GALNT13: variants seen among roughly 807,000 people sequenced by gnomAD.
GALNT13 encodes the protein UDP-GalNAc:polypeptide N-acetylgalactosaminyltransferase 13.
Under a neutral mutation model 64.2 loss-of-function variants are expected in GALNT13, and 28 were observed. The ratio of observed to expected loss-of-function variants is 0.44; its 90% CI spans 0.32 to 0.60. The LOEUF is 0.60. GALNT13 is among the 20% of genes least tolerant of loss of function. The pLI is 0.05. For missense variants in GALNT13, 577 were observed against 669.8 expected, an observed-to-expected ratio of 0.86 and a Z score of 1.53; for synonymous variants, 214 against 224.6, an observed-to-expected ratio of 0.95 and a Z score of 0.42.
intron 4 of GALNT13, among the ~76,000 whole-genome samples, chr2:154,221,346 CACT>C (rs1487838763): frequency 6.6e-6 from 1 of 151,930 alleles, no homozygotes. Context: ...TGATCCTCAC[CACT>C]GTGTTCAAAG....
At chr2:153,180,276 G>A in the GALNT13 span, among the ~76,000 whole-genome samples, 1 of 152,162 alleles carries the variant, frequency 6.6e-6, no homozygotes, top group African/African-American at 2.4e-5. Context: ...TCCATCTAAT[G>A]AGACGATCAT....
the GALNT13 span, among the ~76,000 whole-genome samples, chr2:153,527,593 A>C: frequency 1.3e-5 from 2 of 152,160 alleles, no homozygotes; most frequent in Non-Finnish European, 2.9e-5. Context: ...ATGTACAAAA[A>C]TCACTGGTAA....
chr2:153,592,268 C>T, the GALNT13 span, among the ~76,000 whole-genome samples: 1 of 152,078 alleles, frequency 6.6e-6, no homozygotes, highest in Non-Finnish European at 1.5e-5. Context: ...CTCTGGAAGA[C>T]AGTATAGAGA....
At chr2:154,333,387 T>A (rs901756230) in intron 9 of GALNT13, among the ~76,000 whole-genome samples, 1 of 152,088 alleles carries the variant, frequency 6.6e-6, no homozygotes, top group Non-Finnish European at 1.5e-5. Context: ...TTATACAAAG[T>A]GATTCTGTAG....
chr2:153,818,200 G>A, the GALNT13 span, among the ~76,000 whole-genome samples: 1 of 152,078 alleles, frequency 6.6e-6, no homozygotes, highest in Non-Finnish European at 1.5e-5. Flanking sequence ...GGAATGGGAG[G>A]ACCCATGGCT....
chr2:153,817,361 C>A, the GALNT13 span, among the ~76,000 whole-genome samples: 1 of 152,152 alleles, frequency 6.6e-6, no homozygotes, highest in South Asian at 2.1e-4. Context: ...AGCAAAGAAC[C>A]CTGATAAATC....
the GALNT13 span, among the ~76,000 whole-genome samples, chr2:153,175,916 G>A: frequency 6.6e-6 from 1 of 152,116 alleles, no homozygotes. Context: ...GGGAGTAGAA[G>A]TCAGTAGGGT....
the GALNT13 span, among the ~76,000 whole-genome samples, chr2:153,232,567 G>C: frequency 3.3e-5 from 5 of 152,178 alleles, no homozygotes; most frequent in African/African-American, 1.2e-4. Context: ...GAAATTCATT[G>C]ATCTCTGCAG....
the GALNT13 span, among the ~76,000 whole-genome samples, chr2:153,338,827 G>C: frequency 3.3e-5 from 5 of 152,024 alleles, no homozygotes; most frequent in Admixed American, 2.0e-4. Flanking sequence ...TTTACTCTCT[G>C]TTTCTATAAG....
chr2:153,575,981 C>T, the GALNT13 span, among the ~76,000 whole-genome samples: 4 of 152,132 alleles, frequency 2.6e-5, no homozygotes, highest in African/African-American at 7.2e-5. Flanking sequence ...GCTGCCAGGA[C>T]TGTTTCCTTC....
chr2:153,336,386 C>T, the GALNT13 span, among the ~76,000 whole-genome samples: 1 of 152,200 alleles, frequency 6.6e-6, no homozygotes, highest in African/African-American at 2.4e-5. Flanking sequence ...GCCACAGGGA[C>T]GTAGCTGCCC....
chr2:154,399,925 A>G lies in GALNT13; in HGVS notation c.1296+3795A>G, dbSNP rs189094857. Among the ~76,000 whole-genome samples the G allele has an allele frequency of 7.7e-4, 117 of 152,270 alleles. 1 individual carries two copies. Among genetic ancestry groups the G allele is most frequent in the African/African-American group, 2.5e-3 (104 of 41,568 alleles). On this transcript the variant is annotated intron_variant, in intron 10 of 12. Coordinates refer to ENST00000392825, the MANE Select transcript of GALNT13 (RefSeq NM_052917.4). The stretch of plus-strand genomic sequence containing the variant: ...AACGGCTGTTTAAAAAACCTGATAC[A>G]TTTAACAGATAAATTAAGTTCTGTG...
At chr2:154,014,062 C>T (rs1443113314) in intron 3 of GALNT13, among the ~76,000 whole-genome samples, 6 of 152,130 alleles carry the variant, frequency 3.9e-5, no homozygotes, top group Non-Finnish European at 7.3e-5. Flanking sequence ...AGAGGCTGCT[C>T]AGATAGAAAT....
the GALNT13 span, among the ~76,000 whole-genome samples, chr2:153,466,450 G>GT: frequency 0.57 from 84,004 of 148,188 alleles, 24,522 homozygotes; most frequent in Non-Finnish European, 0.64. Flanking sequence ...CTTTCTAGTT[G>GT]TTTTTTTTTT....
rs79534191 is a variant in GALNT13 at position 154,261,483 on chromosome 2, A to G, written c.975+2345A>G. Among the ~76,000 whole-genome samples the G allele has an allele frequency of 1.1e-3, 169 of 152,266 alleles. No homozygotes were observed. The South Asian group carries it at 0.012, about 10-fold the overall frequency. On this transcript the variant is annotated intron_variant, in intron 8 of 12. Coordinates refer to ENST00000392825, the MANE Select transcript of GALNT13 (RefSeq NM_052917.4). ...GTAGACATTGATAAGGAAAAATGCT[A>G]GAATAGTGCATTGACAAAAGATTGA...
the GALNT13 span, among the ~76,000 whole-genome samples, chr2:153,758,583 G>A: frequency 6.6e-6 from 1 of 151,882 alleles, no homozygotes; most frequent in South Asian, 2.1e-4. Context: ...TGAGAAATAG[G>A]GACAGTTTGT....
At chr2:153,189,082 T>C in the GALNT13 span, among the ~76,000 whole-genome samples, 1 of 152,166 alleles carries the variant, frequency 6.6e-6, no homozygotes, top group Non-Finnish European at 1.5e-5. Flanking sequence ...TATCTAACTA[T>C]ATGTGTATAA....
the GALNT13 span, among the ~76,000 whole-genome samples, chr2:153,802,404 G>A: frequency 5.9e-5 from 9 of 152,048 alleles, no homozygotes; most frequent in East Asian, 7.7e-4. Context: ...GGTTTGGTTC[G>A]TTCTACTATT....
the GALNT13 span, among the ~76,000 whole-genome samples, chr2:153,552,107 CA>C: frequency 1.8e-4 from 27 of 152,170 alleles, no homozygotes; most frequent in African/African-American, 6.5e-4. Context: ...AGATGATGAT[CA>C]AAAATTGACC....
Sources: gnomAD v4.1 joint callset for allele counts (sites outside exome capture counted in the v4.1 genomes callset) on GRCh38, gnomAD v4.1.1 for gene constraint, MANE v1.5 for transcripts, NCBI Gene and HGNC (gene_info 2026-07-23, HGNC 2026-07-21) for gene names.